The following PTPRN2 variants were observed in gnomAD, a reference collection of about 807,000 sequenced individuals.
PTPRN2 encodes receptor-type tyrosine-protein phosphatase N2.
Under a neutral mutation model 118.8 loss-of-function variants are expected in PTPRN2, and 74 were observed. The ratio of observed to expected loss-of-function variants is 0.62; its 90% CI spans 0.52 to 0.76. PTPRN2 has a LOEUF of 0.76. Ranked by LOEUF, PTPRN2 falls within the 30% of genes least tolerant of loss-of-function variation. The pLI is 0.00. For synonymous variants in PTPRN2, 641 were observed against 608.0 expected (o/e 1.05, Z -0.80); for missense variants, 1,481 against 1,394.4 (o/e 1.06, Z -0.99).
rs577834665 is a variant in PTPRN2, at chr7:158,101,313, G to A, written c.1643+9516C>T. Among the ~76,000 whole-genome samples, 29 of 152,300 alleles carry A rather than the reference G, an allele frequency of 1.9e-4. 1 individual carries two copies. Among genetic ancestry groups the A allele is most frequent in the Admixed American group, 4.6e-4 (7 of 15,294 alleles). Reference sequence around the variant, plus strand: ...AAAATGGTGCTGGGATAATTGGCAAGCCACATGTAGAAGAATAAAACTGGA... The same window carrying A: ...AAAATGGTGCTGGGATAATTGGCAAACCACATGTAGAAGAATAAAACTGGA... On this transcript the variant is annotated intron_variant, in intron 10 of 22. Transcript: ENST00000389418.
At chr7:158,058,121 A>G (rs1482855901) in intron 11 of PTPRN2, among the ~76,000 whole-genome samples, 1 of 152,192 alleles carries the variant, frequency 6.6e-6, no homozygotes, top group Non-Finnish European at 1.5e-5. Flanking sequence ...TAGAATCACT[A>G]CACTCCATCT....
At chr7:158,149,892 CA>C (rs969038058) in intron 6 of PTPRN2, among the ~76,000 whole-genome samples, 26 of 149,978 alleles carry the variant, frequency 1.7e-4, no homozygotes, top group South Asian at 8.4e-4. Context: ...TTATGCTGAA[CA>C]AAAAGTGGCA....
chr7:158,345,671 A>C (rs1306695212), intron 2 of PTPRN2, among the ~76,000 whole-genome samples: 2 of 152,230 alleles, frequency 1.3e-5, no homozygotes, highest in Non-Finnish European at 2.9e-5. Context: ...TTGGTCACAC[A>C]CATTTTATAA....
intron 11 of PTPRN2, among the ~76,000 whole-genome samples, chr7:157,942,729 G>C (rs1800226162): frequency 6.6e-6 from 1 of 152,054 alleles, no homozygotes; most frequent in Non-Finnish European, 1.5e-5. Flanking sequence ...TGTGCTCACG[G>C]AGAACTGCCC....
intron 3 of PTPRN2, among the ~76,000 whole-genome samples, chr7:158,276,649 G>A (rs1799025565): frequency 1.3e-5 from 2 of 152,226 alleles, no homozygotes; most frequent in South Asian, 2.1e-4. Context: ...AGCTTCCTGA[G>A]GGATGAAACC....
chr7:158,257,357 A>G (rs12698182), intron 3 of PTPRN2, among the ~76,000 whole-genome samples: 34,989 of 152,064 alleles, frequency 0.23, 5,586 homozygotes, highest in African/African-American at 0.44. Context: ...GAGAGTCTAC[A>G]TCCCAGATTT....
chr7:158,489,665 G>T (rs1333853829), intron 2 of PTPRN2, 70 bp downstream of exon 2: 2 of 1,477,536 alleles, frequency 1.4e-6, no homozygotes, highest in African/African-American at 2.9e-5. Flanking sequence ...GGGCTCACCA[G>T]GCTGGGCGCT....
chr7:158,058,255 A>G (rs12540732), intron 11 of PTPRN2, among the ~76,000 whole-genome samples: 40,905 of 122,200 alleles, frequency 0.33, 6,715 homozygotes, highest in African/African-American at 0.42. Flanking sequence ...CCACGGTGAC[A>G]CATCACTGCA....
chr7:158,290,562 G>C (rs1004363618), intron 3 of PTPRN2, among the ~76,000 whole-genome samples: 4 of 152,154 alleles, frequency 2.6e-5, no homozygotes, highest in African/African-American at 9.7e-5. Context: ...GAAGCTATGG[G>C]GGCATGTCTG....
At chr7:158,016,415 C>T (rs1254014830) in intron 11 of PTPRN2, among the ~76,000 whole-genome samples, 7 of 152,144 alleles carry the variant, frequency 4.6e-5, no homozygotes, top group African/African-American at 1.7e-4. Flanking sequence ...AGGGCCGAGT[C>T]GAGAAGGGGC....
chr7:157,731,484 C>A, intron 12 of PTPRN2, among the ~76,000 whole-genome samples: 1 of 120,348 alleles, frequency 8.3e-6, no homozygotes, highest in South Asian at 2.4e-4. Context: ...GCACAGTTAC[C>A]CTTTCCCGTC....
At chr7:158,182,957 T>C (rs1824840074) in intron 5 of PTPRN2, among the ~76,000 whole-genome samples, 1 of 152,256 alleles carries the variant, frequency 6.6e-6, no homozygotes, top group African/African-American at 2.4e-5. Flanking sequence ...AATTATTTTA[T>C]GAATCTGAGA....
chr7:157,682,181 C>A (rs895241035), intron 13 of PTPRN2, among the ~76,000 whole-genome samples: 2 of 152,180 alleles, frequency 1.3e-5, no homozygotes, highest in African/African-American at 4.8e-5. Flanking sequence ...CAGCTCATTT[C>A]CAGGGGTGTC....
At chr7:158,271,512 G>A (rs564804052) in intron 3 of PTPRN2, among the ~76,000 whole-genome samples, 51 of 152,244 alleles carry the variant, frequency 3.3e-4, no homozygotes, top group South Asian at 1.0e-3. Flanking sequence ...CCACATGCAC[G>A]GGACGGGGGC....
chr7:158,040,462 C>G (rs1055688573), intron 11 of PTPRN2, among the ~76,000 whole-genome samples: 1 of 152,052 alleles, frequency 6.6e-6, no homozygotes, highest in Non-Finnish European at 1.5e-5. Context: ...GCAGAAAAAT[C>G]AAAGACAGGA....
At chr7:158,069,398 A>T (rs1249054452) in intron 11 of PTPRN2, among the ~76,000 whole-genome samples, 1 of 152,176 alleles carries the variant, frequency 6.6e-6, no homozygotes, top group African/African-American at 2.4e-5. Flanking sequence ...ATGGGGTCTC[A>T]CTATGTTGCC....
chr7:158,548,006 G>A (rs563688716), intron 1 of PTPRN2, among the ~76,000 whole-genome samples: 3 of 152,326 alleles, frequency 2.0e-5, no homozygotes, highest in South Asian at 4.1e-4. Flanking sequence ...CCTGGATCCC[G>A]GGGCTGTGCC....
chr7:158,125,929 C>T (rs1318179585), intron 9 of PTPRN2, among the ~76,000 whole-genome samples: 1 of 152,172 alleles, frequency 6.6e-6, no homozygotes, highest in African/African-American at 2.4e-5. Context: ...GCGCTCTTCT[C>T]GCTGAACCCC....
chr7:157,591,200 C>T lies in PTPRN2; in HGVS notation c.2496+4038G>A, dbSNP rs2094395559. On this transcript the variant is annotated intron_variant, in intron 17 of 22. Transcript: ENST00000389418. This position sits in a 1 kb window ranked among gnomAD's most constrained non-coding sequence, Gnocchi z 4.4. ...GACACTTCGAATCCCCCAAGGAGTG[C>T]ACGGGCCTGGGGCAGACACGGCCAT... Among the ~76,000 whole-genome samples the T allele has an allele frequency of 6.6e-6, 1 of 152,144 alleles. No homozygotes were observed. The highest frequency in any genetic ancestry group is 2.4e-5 in the African/African-American group (1 of 41,430).
Sources: allele counts gnomAD v4.1 joint callset (sites outside exome capture counted in the v4.1 genomes callset), GRCh38; gene constraint gnomAD v4.1.1; non-coding constraint Gnocchi (gnomAD v3.1); transcripts MANE v1.5; gene names NCBI Gene and HGNC (gene_info 2026-07-23, HGNC 2026-07-21).